Variants in B4GALNT3 observed in about 807,000 individuals in gnomAD.
The protein encoded by B4GALNT3 is beta-1,4-N-acetyl-galactosaminyltransferase 3.
A neutral mutation model predicts 120.2 loss-of-function variants in B4GALNT3; 86 were observed. The ratio of observed to expected loss-of-function variants is 0.72; its 90% CI spans 0.60 to 0.86. The LOEUF (loss-of-function observed/expected upper bound fraction) is 0.86. B4GALNT3 is among the 40% of genes least tolerant of loss of function. B4GALNT3 has a pLI of 0.00. For missense variants in B4GALNT3, 1,167 were observed against 1,298.9 expected (o/e 0.90, Z 1.56); for synonymous variants, 518 against 510.4 (o/e 1.01, Z -0.20).
intron 1 of B4GALNT3, among the ~76,000 whole-genome samples, chr12:495,558 G>T (rs1222341088): frequency 6.6e-6 from 1 of 152,158 alleles, no homozygotes; most frequent in Non-Finnish European, 1.5e-5. Flanking sequence ...CTAGGCCTAT[G>T]CTTGGGGCTG....
Position 548,812 on chromosome 12 carries a change from G to T in B4GALNT3, c.853+515G>T, listed in dbSNP as rs926226409. Among the ~76,000 whole-genome samples the T allele has an allele frequency of 1.3e-5, 2 of 152,116 alleles. No homozygotes were observed. The highest frequency in any genetic ancestry group is 4.8e-5 in the African/African-American group (2 of 41,412). ...GTAGTCACAGCTACTGGGAAGGATC[G>T]CTTGAGCCCAGGAGTTCGAAGCTGA... On this transcript the variant is annotated intron_variant, in intron 9 of 19. Transcript: ENST00000266383. The surrounding 1 kb of genome is among the most constrained non-coding windows in gnomAD (Gnocchi z 4.9).
At chr12:487,521 T>TG (rs1043193087) in intron 1 of B4GALNT3, among the ~76,000 whole-genome samples, 6 of 152,094 alleles carry the variant, frequency 3.9e-5, no homozygotes, top group African/African-American at 1.4e-4. Context: ...GAGACCAGCC[T>TG]GGCCAACATG....
chr12:556,082 A>C (rs202170266), intron 14 of B4GALNT3, among the ~76,000 whole-genome samples: 9,633 of 152,048 alleles, frequency 0.063, 712 homozygotes, highest in Admixed American at 0.22. Context: ...TGCACCTGGC[A>C]TTGTGTTTTG....
At chr12:552,909 C>A in intron 13 of B4GALNT3, 1 of 511,232 alleles carries the variant, frequency 2.0e-6, no homozygotes, top group Non-Finnish European at 3.5e-6. Context: ...CTGCTGGGTC[C>A]CTCAGGTGCT....
intron 3 of B4GALNT3, among the ~76,000 whole-genome samples, chr12:541,436 G>C (rs1946914436): frequency 6.6e-6 from 1 of 152,212 alleles, no homozygotes; most frequent in African/African-American, 2.4e-5. Flanking sequence ...CTTAGTCACT[G>C]CTGGACAATG....
Position 558,512 on chromosome 12 carries a change from C to T in B4GALNT3, c.2612C>T (p.Pro871Leu), listed in dbSNP as rs367975617. The T allele has an allele frequency of 3.0e-5, 49 of 1,614,002 alleles. No homozygotes were observed. Among genetic ancestry groups the T allele is most frequent in the African/African-American group, 6.7e-5 (5 of 75,056 alleles). Residue 871 changes from proline to leucine, a missense_variant, in exon 18 of 20, where the codon CCG becomes CTG. Transcript: ENST00000266383. ...CCTGCCCACATCTGTCCCCAGGACC[C>T]GCACAGCATCATCTTCCTCTGTGAC... is the stretch of plus-strand genomic sequence containing the variant. ...LQAGIDLVKD[P>L]HSIIFLCDLH...
rs1022745312 is a variant in B4GALNT3, at chr12:459,969, G to C, written c.-408G>C. On this transcript the variant is annotated 5_prime_UTR_variant, in exon 1 of 20. Coordinates refer to ENST00000266383, the MANE Select transcript of B4GALNT3 (RefSeq NM_173593.4). ...CCGCGAGCAGGAGAGCCCAGAGCCCGGAGCCCGGTCCGGGGCTGGCGGGGG... is the reference window on the plus strand; with the variant it reads ...CCGCGAGCAGGAGAGCCCAGAGCCCCGAGCCCGGTCCGGGGCTGGCGGGGG... Among the ~76,000 whole-genome samples, 6 of 151,134 alleles carry C rather than the reference G, an allele frequency of 4.0e-5. No homozygotes were observed. Among genetic ancestry groups the C allele is most frequent in the African/African-American group, 1.5e-4 (6 of 41,140 alleles).
chr12:512,201 C>CCTTCCACCTT (rs1946584388), intron 1 of B4GALNT3, among the ~76,000 whole-genome samples: 1 of 72,222 alleles, frequency 1.4e-5, no homozygotes, highest in Non-Finnish European at 2.6e-5. Flanking sequence ...CCGCCTTCCA[C>CCTTCCACCTT]CTTCCACCTT....
chr12:538,560 C>CAAAAA (rs771053015), intron 3 of B4GALNT3, among the ~76,000 whole-genome samples: 6 of 64,034 alleles, frequency 9.4e-5, no homozygotes, highest in Non-Finnish European at 1.4e-4. Context: ...AACCCCATCT[C>CAAAAA]AAAAAAAAAA....
At chr12:502,702 CAGG>C (rs1439327638) in intron 1 of B4GALNT3, among the ~76,000 whole-genome samples, 2 of 152,148 alleles carry the variant, frequency 1.3e-5, no homozygotes, top group African/African-American at 4.8e-5. Flanking sequence ...GCTATTATTT[CAGG>C]AGGAGTGACA....
rs377119068 is a variant in B4GALNT3 at position 497,098 on chromosome 12, G to A, written c.169+36553G>A. On this transcript the variant is annotated intron_variant, in intron 1 of 19. Transcript: ENST00000266383. ...GATCCTTCCACCTCAGCCGCTGAGA[G>A]TACTGGGATTACAGGCGTGGGCCAT... 1.6e-4 allele frequency among the ~76,000 whole-genome samples: 25 copies of A among 152,322 alleles called. 7 individuals are homozygous for A. The highest frequency in any genetic ancestry group is 2.0e-4 in the Admixed American group (3 of 15,298).
At chr12:487,708 A>G (rs1236077615) in intron 1 of B4GALNT3, among the ~76,000 whole-genome samples, 1 of 121,844 alleles carries the variant, frequency 8.2e-6, no homozygotes, top group Admixed American at 9.4e-5. Context: ...GCGAGACTCT[A>G]TCTTGAAAAA....
rs1946422695 is a variant in B4GALNT3 at position 499,917 on chromosome 12, A to G, written c.170-35249A>G. Among the ~76,000 whole-genome samples, 3 of 152,242 alleles carry G rather than the reference A, an allele frequency of 2.0e-5. No homozygotes were observed. The South Asian group carries it at 6.2e-4, about 31-fold the overall frequency. On this transcript the variant is annotated intron_variant, in intron 1 of 19. Coordinates refer to ENST00000266383, the MANE Select transcript of B4GALNT3 (RefSeq NM_173593.4). The stretch of plus-strand genomic sequence containing the variant: ...GTTGGCTCAAATTTTTCTAAAATAC[A>G]GTGAGCTAAAGTCAGGAGGCAGCTG...
At chr12:521,478 G>A (rs775727269) in intron 1 of B4GALNT3, among the ~76,000 whole-genome samples, 5 of 152,172 alleles carry the variant, frequency 3.3e-5, no homozygotes, top group South Asian at 2.1e-4. Flanking sequence ...CTACTCTGTG[G>A]TCTTTCCCAG....
At chr12:560,635 A>G (rs1268440589) in intron 19 of B4GALNT3, among the ~76,000 whole-genome samples, 2 of 152,188 alleles carry the variant, frequency 1.3e-5, no homozygotes, top group Non-Finnish European at 2.9e-5. Flanking sequence ...AAAGGGTCTG[A>G]GATCAAAGGA....
chr12:480,177 A>AGTGCT (rs906836951), intron 1 of B4GALNT3, among the ~76,000 whole-genome samples: 1 of 145,484 alleles, frequency 6.9e-6, no homozygotes, highest in Non-Finnish European at 1.5e-5. Context: ...GGCCTCCCAA[A>AGTGCT]GTGCTGAGAT....
intron 1 of B4GALNT3, among the ~76,000 whole-genome samples, chr12:522,941 T>TAAAA (rs61096976): frequency 4.8e-4 from 28 of 58,014 alleles, no homozygotes; most frequent in African/African-American, 1.2e-3. Context: ...AGACTCTGTT[T>TAAAA]AAAAAAAAAA....
intron 1 of B4GALNT3, among the ~76,000 whole-genome samples, chr12:519,885 C>A (rs1410416076): frequency 6.6e-6 from 1 of 152,218 alleles, no homozygotes; most frequent in African/African-American, 2.4e-5. Flanking sequence ...TGGGTTGTTT[C>A]CATGGAAAGT....
Position 558,567 on chromosome 12 carries a change from C to A in B4GALNT3, c.2667C>A (p.Ile889=). The A allele has an allele frequency of 1.9e-6, 3 of 1,614,156 alleles. No individual in the cohort carries two copies. The highest frequency in any genetic ancestry group is 4.5e-5 in the East Asian group (2 of 44,882). The change falls in exon 18 of 20, where the codon ATC becomes ATA. Residue 889 remains isoleucine (I), a synonymous_variant. Transcript: ENST00000266383. The part of the protein sequence containing the change: ...DLHIHFPAGV[I]DAIRKHCVEG... ...ACATCCACTTCCCAGCTGGAGTCAT[C>A]GATGCCATTCGGAAGCACTGTGTGG...
Sources: gnomAD v4.1 joint callset for allele counts (sites outside exome capture counted in the v4.1 genomes callset) on GRCh38, gnomAD v4.1.1 for gene constraint, Gnocchi (gnomAD v3.1) non-coding constraint, MANE v1.5 for transcripts, NCBI Gene and HGNC (gene_info 2026-07-23, HGNC 2026-07-21) for gene names.